The following MAST1 variants were observed in gnomAD, a reference collection of about 807,000 sequenced individuals.
MAST1 encodes microtubule associated serine/threonine kinase 1, also known as microtubule-associated serine/threonine-protein kinase 1.
MAST1 carries 40 observed loss-of-function variants against 124.6 expected under a neutral mutation model. The ratio of observed to expected loss-of-function variants is 0.32; its 90% CI spans 0.25 to 0.42. The LOEUF is 0.42. Ranked by LOEUF, MAST1 falls within the 10% of genes least tolerant of loss-of-function variation. The probability of loss-of-function intolerance (pLI) is 1.00; values close to 1 mark genes in which losing one functional copy is unlikely to be tolerated. For synonymous variants in MAST1, 938 were observed against 939.4 expected (o/e 1.00, Z 0.03); for missense variants, 1,558 against 2,181.9 (o/e 0.71, Z 5.70).
chr19:12,873,868 C>T lies in MAST1; in HGVS notation c.3711C>T (p.Ala1237=). 6.3e-7 allele frequency: 1 copy of T among 1,583,966 alleles called. No homozygotes were observed. Among genetic ancestry groups the T allele is most frequent in the East Asian group, 2.3e-5 (1 of 44,158 alleles). Residue 1237 remains alanine (A), a synonymous_variant, in exon 26 of 26, where the codon GCC becomes GCT. Transcript: ENST00000251472. ...CGCACACTACTCAGAGCTTCCCGGC[C>T]AAACTGCACTCATCGCCTCCCGTCG... ...GSSHTTQSFP[A]KLHSSPPVVR...
At position 12,874,081 on chromosome 19, in the gene MAST1, C is replaced by T. The variant is rs751536491; in HGVS notation, c.3924C>T (p.Ala1308=). ...GCGAGCTGGCGCTGCATAGCCTTGC[C>T]GAGTCCGACGGTGAGACGCCCCCAG... ...FHGELALHSL[A]ESDGETPPVE... Residue 1308 remains alanine (A), a synonymous_variant, in exon 26 of 26, where the codon GCC becomes GCT. Transcript: ENST00000251472. This position sits in a 1 kb window ranked among gnomAD's most constrained non-coding sequence, Gnocchi z 6.6. 6.3e-7 allele frequency: 1 copy of T among 1,577,594 alleles called. No individual in the cohort carries two copies. The highest frequency in any genetic ancestry group is 8.6e-7 in the Non-Finnish European group (1 of 1,165,132).
At chr19:12,840,726 C>T (rs1355324418) in intron 2 of MAST1, among the ~76,000 whole-genome samples, 192 bp downstream of exon 2, 1 of 151,698 alleles carries the variant, frequency 6.6e-6, no homozygotes, top group East Asian at 1.9e-4. Context: ...GGCGGAGACT[C>T]AGGTGGGCGG....
chr19:12,872,215 A>C (rs1308777714), intron 24 of MAST1, among the ~76,000 whole-genome samples: 3 of 152,220 alleles, frequency 2.0e-5, no homozygotes, highest in Non-Finnish European at 4.4e-5. Context: ...CCTTATAGAT[A>C]GGAGGAGCTA....
At chr19:12,864,717 G>A in intron 12 of MAST1, 92 bp from the exon 13 acceptor site, 3 of 1,526,378 alleles carry the variant, frequency 2.0e-6, no homozygotes, top group South Asian at 1.2e-5. Flanking sequence ...CTATAAAACG[G>A]GTACAACATA....
Position 12,847,718 on chromosome 19 carries a change from G to A in MAST1, c.564+31G>A. On this transcript the variant is annotated intron_variant, in intron 6 of 25. Transcript: ENST00000251472. This position sits in a 1 kb window ranked among gnomAD's most constrained non-coding sequence, Gnocchi z 5.5. ...GTGGGACCCGAGGCGGTCACGGGGT[G>A]ACCAGGCGGCCTGCACTCTCGCTCG... 1.9e-6 allele frequency: 3 copies of A among 1,610,124 alleles called. No homozygotes were observed. The highest frequency in any genetic ancestry group is 2.5e-6 in the Non-Finnish European group (3 of 1,177,638).
chr19:12,868,919 G>A (rs1970198254), intron 21 of MAST1, 70 bp downstream of exon 21: 2 of 1,551,974 alleles, frequency 1.3e-6, no homozygotes, highest in South Asian at 2.5e-5. Flanking sequence ...CAATGAAAAT[G>A]CTGCATTTTC....
chr19:12,872,936 ATGAG>A (rs1970254707), intron 24 of MAST1, among the ~76,000 whole-genome samples: 1 of 149,962 alleles, frequency 6.7e-6, no homozygotes, highest in Non-Finnish European at 1.5e-5. Flanking sequence ...TTTTGTTTGG[ATGAG>A]TGTTTGTAGC....
chr19:12,867,754 C>T lies in MAST1; in HGVS notation c.2343C>T (p.Ala781=). The T allele has an allele frequency of 6.5e-7, 1 of 1,539,854 alleles. No individual in the cohort carries two copies. Among genetic ancestry groups the T allele is most frequent in the Non-Finnish European group, 8.7e-7 (1 of 1,143,354 alleles). The part of the protein sequence containing the change: ...PEIKRFSASE[A]SFLEGEASPP... ...GCAAGCGATTCTCCGCGTCCGAGGC[C>T]AGTTTCCTGGAGGGAGAGGCCAGTC... is the stretch of plus-strand genomic sequence containing the variant. Residue 781 remains alanine (A), a synonymous_variant, in exon 20 of 26, where the codon GCC becomes GCT. Coordinates refer to ENST00000251472, the MANE Select transcript of MAST1 (RefSeq NM_014975.3).
At chr19:12,852,444 G>T in intron 10 of MAST1, 49 bp downstream of exon 10, 1 of 1,517,884 alleles carries the variant, frequency 6.6e-7, no homozygotes, top group South Asian at 1.1e-5. Context: ...TGGGAGGGCA[G>T]GGTGGGGCTC....
At chr19:12,855,411 C>T (rs765611108) in intron 10 of MAST1, among the ~76,000 whole-genome samples, 15 of 151,902 alleles carry the variant, frequency 9.9e-5, no homozygotes, top group Non-Finnish European at 2.1e-4. Context: ...TGCTTGAGCC[C>T]AGGAGTTTGA....
In MAST1 at chr19:12,866,864, G is replaced by C. The variant is rs1015891047; in HGVS notation, c.2139+102G>C. 10 of 993,808 alleles carry C rather than the reference G, an allele frequency of 1.0e-5. No individual in the cohort carries two copies. In the South Asian group the frequency reaches 1.2e-4, roughly 11 times the overall value. The allele number at this position is 993,808 out of a possible 1,614,324, so 61.6% of individuals were successfully genotyped here. A position where few individuals can be genotyped will look rare whatever the true frequency, so the allele number is the denominator to read the frequency against. ...CCCTGGTGCCCAAGGTCTCAGGAGC[G>C]GGAAGTTATTGATGGGGCGGGAGTC... is the stretch of plus-strand genomic sequence containing the variant. On this transcript the variant is annotated intron_variant, in intron 18 of 25. Coordinates refer to ENST00000251472, the MANE Select transcript of MAST1 (RefSeq NM_014975.3). This position sits in a 1 kb window ranked among gnomAD's most constrained non-coding sequence, Gnocchi z 5.2.
rs1969906773 is a variant in MAST1 at position 12,847,405 on chromosome 19, G to A, written c.443G>A (p.Gly148Asp). The change falls in exon 5 of 26, where the codon GGT becomes GAT. Residue 148 changes from glycine (G) to aspartate (D), a missense_variant. By Grantham distance (94) the Gly-to-Asp change is moderately conservative (BLOSUM62 -1). Around this residue, in one of 10 missense-constraint regions of MAST1, gnomAD observed 165 missense variants for 315.3 expected, o/e 0.52. Transcript: ENST00000251472. This position sits in a 1 kb window ranked among gnomAD's most constrained non-coding sequence, Gnocchi z 5.5. Reference protein sequence around the residue: ...GSTESITDEDGGRRSPAVRPR... With the variant: ...GSTESITDEDDGRRSPAVRPR... ...ACCGAGAGCATCACAGACGAGGATG[G>A]TGGCCGTCGCTCCCCAGCCGTGCGG... The A allele has an allele frequency of 6.2e-7, 1 of 1,613,800 alleles. No homozygotes were observed. The highest frequency in any genetic ancestry group is 1.3e-5 in the African/African-American group (1 of 74,910).
Position 12,847,245 on chromosome 19 carries a change from G to C in MAST1, c.328-45G>C, listed in dbSNP as rs1432800318. ...CCCAGCTCAGGGTCCTGAGCTGTTG[G>C]GGGGCCCATGGTGGCTCTGACCCCG... On this transcript the variant is annotated intron_variant, in intron 4 of 25. Coordinates refer to ENST00000251472, the MANE Select transcript of MAST1 (RefSeq NM_014975.3). The surrounding 1 kb of genome is among the most constrained non-coding windows in gnomAD (Gnocchi z 5.5). The C allele has an allele frequency of 7.2e-7, 1 of 1,383,980 alleles. No homozygotes were observed. The highest frequency in any genetic ancestry group is 1.8e-5 in the Admixed American group (1 of 55,764). 85.7% of individuals were successfully genotyped at this position (1,383,980 alleles called of 1,614,324 possible). A position where few individuals can be genotyped will look rare whatever the true frequency, so the allele number is the denominator to read the frequency against.
At chr19:12,868,070 A>C (rs932171022) in intron 20 of MAST1, 93 bp downstream of exon 20, 4 of 1,339,138 alleles carry the variant, frequency 3.0e-6, no homozygotes, top group Non-Finnish European at 4.0e-6. Flanking sequence ...TGTTTATGAA[A>C]GATCTCAGGT....
chr19:12,846,066 A>C (rs1217129526), intron 4 of MAST1, among the ~76,000 whole-genome samples: 1 of 152,130 alleles, frequency 6.6e-6, no homozygotes, highest in Non-Finnish European at 1.5e-5. Context: ...AAAAAGAATT[A>C]GCCAAGCATG....
chr19:12,851,268 CT>C (rs112311166), intron 7 of MAST1, among the ~76,000 whole-genome samples: 54,504 of 140,480 alleles, frequency 0.39, 11,427 homozygotes, highest in East Asian at 0.62. Context: ...TTCTTTTTTT[CT>C]TTTTTTTTTT....
Position 12,867,852 on chromosome 19 carries a change from A to T in MAST1, c.2441A>T (p.Glu814Val), listed in dbSNP as rs1568414251. The T allele has an allele frequency of 6.2e-7, 1 of 1,606,550 alleles. No individual in the cohort carries two copies. Among genetic ancestry groups the T allele is most frequent in the Non-Finnish European group, 8.5e-7 (1 of 1,177,190 alleles). The change falls in exon 20 of 26, where the codon GAG becomes GTG. Residue 814 changes from glutamate to valine, a missense_variant. By Grantham distance (121) the Glu-to-Val change is moderately radical (BLOSUM62 -2). Coordinates refer to ENST00000251472, the MANE Select transcript of MAST1 (RefSeq NM_014975.3). ...CGCTTCAGCGCCCCCCAAGAGGACG[A>T]GGATGAGGCCCGGCTGCGCAGGCCT... ...PSRFSAPQED[E>V]DEARLRRPPR...
chr19:12,841,362 C>T lies in MAST1; in HGVS notation c.248+296C>T, dbSNP rs918721717. On this transcript the variant is annotated intron_variant, in intron 3 of 25. Coordinates refer to ENST00000251472, the MANE Select transcript of MAST1 (RefSeq NM_014975.3). This position sits in a 1 kb window ranked among gnomAD's most constrained non-coding sequence, Gnocchi z 4.3. ...TCTCTCCGAGCCTTGCTCTCCTGGCCAGGTGTTTCCATAGCAACAGGACGG... is the reference window on the plus strand; with the variant it reads ...TCTCTCCGAGCCTTGCTCTCCTGGCTAGGTGTTTCCATAGCAACAGGACGG... 3.3e-5 allele frequency among the ~76,000 whole-genome samples: 5 copies of T among 152,262 alleles called. No individual in the cohort carries two copies. Among genetic ancestry groups the T allele is most frequent in the African/African-American group, 1.2e-4 (5 of 41,472 alleles).
intron 12 of MAST1, among the ~76,000 whole-genome samples, chr19:12,864,400 A>C (rs1005535068): frequency 4.6e-5 from 7 of 151,950 alleles, no homozygotes; most frequent in African/African-American, 1.7e-4. Flanking sequence ...TCTCAAAAAA[A>C]AAAAAAAAAA....
Sources: gnomAD v4.1 joint callset for allele counts (sites outside exome capture counted in the v4.1 genomes callset) on GRCh38, gnomAD v4.1.1 for gene constraint, gnomAD v4.1.1 regional missense constraint, Gnocchi (gnomAD v3.1) non-coding constraint, MANE v1.5 for transcripts, NCBI Gene and HGNC (gene_info 2026-07-23, HGNC 2026-07-21) for gene names.